Variants in RBFOX1 observed in about 807,000 individuals in gnomAD.
RBFOX1 encodes RNA binding fox-1 homolog 1.
Under a neutral mutation model 57.7 loss-of-function variants are expected in RBFOX1, and 8 were observed. The ratio of observed to expected loss-of-function variants is 0.14; its 90% CI spans 0.08 to 0.25. The LOEUF (loss-of-function observed/expected upper bound fraction) is 0.25, where lower values mean the gene tolerates loss of function less well. Among genes scored for constraint, RBFOX1 ranks in the 10% least tolerant of loss-of-function variants. RBFOX1 has a pLI of 1.00. For missense variants in RBFOX1, 611 were observed against 548.5 expected, an observed-to-expected ratio of 1.11 and a Z score of -1.14; for synonymous variants, 326 against 222.4, an observed-to-expected ratio of 1.47 and a Z score of -4.15.
At chr16:7,328,097 T>C (rs1163652595) in intron 4 of RBFOX1, among the ~76,000 whole-genome samples, 1 of 152,186 alleles carries the variant, frequency 6.6e-6, no homozygotes, top group East Asian at 1.9e-4. Flanking sequence ...GTCAAACTCC[T>C]GGGCTCAAGT....
chr16:6,082,442 T>C (rs2096017832), intron 1 of RBFOX1, among the ~76,000 whole-genome samples: 1 of 144,710 alleles, frequency 6.9e-6, no homozygotes, highest in Non-Finnish European at 1.5e-5. Flanking sequence ...GTGCTGGGAT[T>C]ACAGGTTTGA....
chr16:6,809,872 G>A (rs905036292), intron 3 of RBFOX1, among the ~76,000 whole-genome samples: 2 of 152,022 alleles, frequency 1.3e-5, no homozygotes, highest in Non-Finnish European at 2.9e-5. Flanking sequence ...GTGCCTTTCT[G>A]GAAGTTATGA....
chr16:5,815,661 A>G (rs2055607861), intron 3 of RBFOX1, among the ~76,000 whole-genome samples: 1 of 152,192 alleles, frequency 6.6e-6, no homozygotes, highest in South Asian at 2.1e-4. Context: ...TAGGTGTGTG[A>G]AGGTCCTCAA....
At chr16:6,744,180 G>C (rs1437815638) in intron 3 of RBFOX1, among the ~76,000 whole-genome samples, 1 of 152,140 alleles carries the variant, frequency 6.6e-6, no homozygotes, top group African/African-American at 2.4e-5. Flanking sequence ...TAATCAAGAA[G>C]ACATTAAATA....
chr16:6,186,346 G>T (rs1190273104), intron 1 of RBFOX1, among the ~76,000 whole-genome samples: 1 of 152,108 alleles, frequency 6.6e-6, no homozygotes. Context: ...AGAAGGAGAG[G>T]TTATGAATTA....
intron 3 of RBFOX1, among the ~76,000 whole-genome samples, chr16:5,800,919 G>A (rs2055035822): frequency 6.6e-6 from 1 of 152,116 alleles, no homozygotes. Context: ...GCCACATGAG[G>A]ACAGATGGAA....
intron 3 of RBFOX1, among the ~76,000 whole-genome samples, chr16:7,018,787 T>TAAAAA (rs141781801): frequency 5.3e-4 from 77 of 146,526 alleles, no homozygotes; most frequent in Middle Eastern, 3.5e-3. Flanking sequence ...CTTAAAGTAT[T>TAAAAA]AAAAAAAAAA....
chr16:6,372,308 T>C (rs898096779), intron 2 of RBFOX1, among the ~76,000 whole-genome samples: 1 of 151,034 alleles, frequency 6.6e-6, no homozygotes, highest in African/African-American at 2.4e-5. Context: ...GATCTTTGGG[T>C]AGGAGGATGG....
At chr16:5,743,469 C>T (rs1251237399) in intron 3 of RBFOX1, among the ~76,000 whole-genome samples, 2 of 152,136 alleles carry the variant, frequency 1.3e-5, no homozygotes, top group East Asian at 1.9e-4. Flanking sequence ...CAAGCTGTGC[C>T]GTTCAATATG....
intron 4 of RBFOX1, among the ~76,000 whole-genome samples, chr16:7,499,829 A>G (rs925375782): frequency 3.9e-5 from 6 of 152,088 alleles, no homozygotes; most frequent in African/African-American, 7.2e-5. Flanking sequence ...ACAATTAACT[A>G]CAATATCCTA....
chr16:5,747,872 C>A (rs2053047867), intron 3 of RBFOX1, among the ~76,000 whole-genome samples: 1 of 152,104 alleles, frequency 6.6e-6, no homozygotes, highest in Admixed American at 6.5e-5. Context: ...GTCTCTGTTT[C>A]CTTCAGTTCT....
chr16:6,483,729 T>G, intron 2 of RBFOX1: 2 of 1,424,226 alleles, frequency 1.4e-6, no homozygotes, highest in East Asian at 2.6e-5. Context: ...AAATTGACAT[T>G]TTTGGCTGCC....
intron 4 of RBFOX1, among the ~76,000 whole-genome samples, chr16:7,205,722 G>A (rs1292984738): frequency 1.3e-5 from 2 of 152,136 alleles, no homozygotes; most frequent in African/African-American, 2.4e-5. Flanking sequence ...TTTGGTGATG[G>A]GCAGAAAGAA....
At chr16:6,774,716 T>C (rs903490684) in intron 3 of RBFOX1, among the ~76,000 whole-genome samples, 1 of 151,780 alleles carries the variant, frequency 6.6e-6, no homozygotes, top group Non-Finnish European at 1.5e-5. Flanking sequence ...TATAATTTTA[T>C]AATACTAATT....
chr16:5,920,132 C>T (rs891053495), intron 4 of RBFOX1, among the ~76,000 whole-genome samples: 1 of 152,134 alleles, frequency 6.6e-6, no homozygotes, highest in Non-Finnish European at 1.5e-5. Context: ...GACGGGATTT[C>T]ACCGCGTTAG....
At chr16:7,146,968 A>T (rs1292083767) in intron 4 of RBFOX1, among the ~76,000 whole-genome samples, 2 of 26,070 alleles carry the variant, frequency 7.7e-5, no homozygotes, top group Non-Finnish European at 1.4e-4. Context: ...ATAAAAAAGA[A>T]CAACGACTTT....
chr16:7,178,496 G>T (rs147469047), intron 4 of RBFOX1, among the ~76,000 whole-genome samples: 151 of 152,154 alleles, frequency 9.9e-4, no homozygotes, highest in African/African-American at 3.3e-3. Flanking sequence ...TTGATGTATC[G>T]ATTGACTGAT....
At chr16:7,240,271 C>G (rs1331961613) in intron 4 of RBFOX1, among the ~76,000 whole-genome samples, 3 of 152,024 alleles carry the variant, frequency 2.0e-5, no homozygotes, top group African/African-American at 7.2e-5. Flanking sequence ...CCTGCCGAAT[C>G]TATAAGATTT....
intron 1 of RBFOX1, among the ~76,000 whole-genome samples, chr16:5,366,990 T>A (rs2065734872): frequency 6.6e-6 from 1 of 152,196 alleles, no homozygotes. Flanking sequence ...GAAATAAAAC[T>A]CAGTATTTTA....
Sources: gnomAD v4.1 joint callset for allele counts (sites outside exome capture counted in the v4.1 genomes callset) on GRCh38, gnomAD v4.1.1 for gene constraint, MANE v1.5 for transcripts, NCBI Gene and HGNC (gene_info 2026-07-23, HGNC 2026-07-21) for gene names.